Variants in SUPT3H observed in about 807,000 individuals in gnomAD.
SUPT3H encodes the protein SPT3 homolog, SAGA and STAGA complex component, also known as transcription initiation protein SPT3 homolog.
In SUPT3H, 44 loss-of-function variants were observed where a neutral mutation model predicts 44.3. The ratio of observed to expected loss-of-function variants is 0.99; its 90% CI spans 0.78 to 1.28. The LOEUF is 1.28. SUPT3H is among the 50% of genes most tolerant of loss of function. The probability of loss-of-function intolerance (pLI) is 0.00; values close to 1 mark genes in which losing one functional copy is unlikely to be tolerated. For synonymous variants in SUPT3H, 124 were observed against 125.6 expected, an observed-to-expected ratio of 0.99 and a Z score of 0.09; for missense variants, 380 against 387.1, an observed-to-expected ratio of 0.98 and a Z score of 0.15.
At chr6:45,011,903 T>C (rs1783540422) in intron 5 of SUPT3H, among the ~76,000 whole-genome samples, 1 of 152,044 alleles carries the variant, frequency 6.6e-6, no homozygotes, top group Non-Finnish European at 1.5e-5. Flanking sequence ...TATCTGGGAA[T>C]GTATTTTGCA....
At chr6:45,202,570 T>C (rs1762599176) in intron 2 of SUPT3H, among the ~76,000 whole-genome samples, 1 of 152,096 alleles carries the variant, frequency 6.6e-6, no homozygotes, top group African/African-American at 2.4e-5. Flanking sequence ...ATATCCCATT[T>C]AGAAGTTTGC....
At chr6:44,900,480 C>T (rs1034609058) in intron 10 of SUPT3H, among the ~76,000 whole-genome samples, 1 of 152,210 alleles carries the variant, frequency 6.6e-6, no homozygotes, top group African/African-American at 2.4e-5. Flanking sequence ...GGGGGAGGGG[C>T]GCCTGCCATT....
chr6:45,053,664 C>T (rs1790657742), intron 3 of SUPT3H, among the ~76,000 whole-genome samples: 1 of 147,684 alleles, frequency 6.8e-6, no homozygotes, highest in African/African-American at 2.5e-5. Context: ...TTTGGGAGGC[C>T]GAAGCAGGCG....
intron 2 of SUPT3H, among the ~76,000 whole-genome samples, chr6:45,144,427 C>G (rs1805704103): frequency 6.6e-6 from 1 of 151,978 alleles, no homozygotes; most frequent in Non-Finnish European, 1.5e-5. Context: ...TCAACAAATG[C>G]AGTAAACACA....
At chr6:44,906,788 G>A (rs1197660520) in intron 10 of SUPT3H, among the ~76,000 whole-genome samples, 3 of 152,008 alleles carry the variant, frequency 2.0e-5, no homozygotes, top group Non-Finnish European at 4.4e-5. Flanking sequence ...AAATTCACAA[G>A]GGTTCCCAGT....
At chr6:45,091,262 G>T (rs764648665) in intron 3 of SUPT3H, among the ~76,000 whole-genome samples, 77 of 151,968 alleles carry the variant, frequency 5.1e-4, no homozygotes, top group Admixed American at 1.4e-3. Context: ...AACTGAATTT[G>T]TATTTTCCAC....
At chr6:45,228,895 C>A (rs943745511) in intron 2 of SUPT3H, among the ~76,000 whole-genome samples, 26 of 152,130 alleles carry the variant, frequency 1.7e-4, no homozygotes, top group African/African-American at 6.0e-4. Context: ...CCGTCTTGGC[C>A]TCTGAAAGTG....
chr6:45,359,422 T>G (rs1793838515), intron 2 of SUPT3H, among the ~76,000 whole-genome samples: 3 of 152,176 alleles, frequency 2.0e-5, no homozygotes, highest in Admixed American at 1.3e-4. Context: ...TAAACTAAAG[T>G]ATATCTTAAA....
intron 2 of SUPT3H, chr6:45,322,825 C>T: frequency 6.9e-7 from 1 of 1,449,762 alleles, no homozygotes; most frequent in Non-Finnish European, 9.7e-7. Context: ...GCACTTTCTC[C>T]AACCACAGTT....
chr6:45,152,338 C>T (rs1017027325), intron 2 of SUPT3H, among the ~76,000 whole-genome samples: 1 of 152,110 alleles, frequency 6.6e-6, no homozygotes, highest in Admixed American at 6.6e-5. Context: ...TTTATTTCCA[C>T]AATGCAATCA....
At chr6:45,215,534 T>C (rs1268411665) in intron 2 of SUPT3H, among the ~76,000 whole-genome samples, 1 of 151,940 alleles carries the variant, frequency 6.6e-6, no homozygotes, top group Non-Finnish European at 1.5e-5. Flanking sequence ...ATTCAATGAA[T>C]GAAATTTTTA....
At chr6:45,367,746 C>G (rs1563036603) in intron 1 of SUPT3H, among the ~76,000 whole-genome samples, 1 of 152,124 alleles carries the variant, frequency 6.6e-6, no homozygotes, top group Non-Finnish European at 1.5e-5. Flanking sequence ...GTCAAATGTC[C>G]TGAGACACTG....
chr6:45,094,085 A>T (rs771968413), intron 3 of SUPT3H, among the ~76,000 whole-genome samples: 1 of 152,124 alleles, frequency 6.6e-6, no homozygotes. Context: ...ATGCAATTCA[A>T]TCTGGAGAGT....
At chr6:45,286,797 G>A (rs539258600) in intron 2 of SUPT3H, among the ~76,000 whole-genome samples, 4 of 152,312 alleles carry the variant, frequency 2.6e-5, no homozygotes, top group African/African-American at 9.6e-5. Context: ...GCACACGTAT[G>A]TTTATTGCAG....
chr6:45,142,761 A>AAAAAAAAAAAAAAAT (rs1805439269), intron 2 of SUPT3H, among the ~76,000 whole-genome samples: 1 of 149,594 alleles, frequency 6.7e-6, no homozygotes, highest in Non-Finnish European at 1.5e-5. Context: ...AAAAAAAAAA[A>AAAAAAAAAAAAAAAT]AAAGCAGAAT....
intron 3 of SUPT3H, 111 bp downstream of exon 3, chr6:45,105,811 C>A: frequency 1.2e-6 from 1 of 807,774 alleles, no homozygotes; most frequent in Non-Finnish European, 1.9e-6. Flanking sequence ...TTCAATAATG[C>A]TAACAAAAAA....
chr6:44,946,206 T>A (rs984952595), intron 9 of SUPT3H, among the ~76,000 whole-genome samples: 1 of 152,180 alleles, frequency 6.6e-6, no homozygotes, highest in Non-Finnish European at 1.5e-5. Context: ...TCATTGACAA[T>A]GTATCTGGTC....
chr6:44,869,819 T>C (rs1227954020), intron 10 of SUPT3H, among the ~76,000 whole-genome samples: 1 of 152,118 alleles, frequency 6.6e-6, no homozygotes, highest in Non-Finnish European at 1.5e-5. Flanking sequence ...ACTCATTCAC[T>C]CACCTATCAA....
At chr6:44,874,618 C>G (rs1776933552) in intron 10 of SUPT3H, among the ~76,000 whole-genome samples, 1 of 90,556 alleles carries the variant, frequency 1.1e-5, no homozygotes, top group Non-Finnish European at 2.2e-5. Context: ...TCTCACCACT[C>G]CTATTCAACA....
Sources: gnomAD v4.1 joint callset for allele counts (sites outside exome capture counted in the v4.1 genomes callset) on GRCh38, gnomAD v4.1.1 for gene constraint, MANE v1.5 for transcripts, NCBI Gene and HGNC (gene_info 2026-07-23, HGNC 2026-07-21) for gene names.